Variants in SDK2 observed in about 807,000 individuals in gnomAD.
SDK2 encodes sidekick cell adhesion molecule 2, also known as protein sidekick-2.
A neutral mutation model predicts 253.9 loss-of-function variants in SDK2; 105 were observed. The ratio of observed to expected loss-of-function variants is 0.41; its 90% CI spans 0.35 to 0.49. SDK2 has a LOEUF of 0.49. SDK2 is among the 20% of genes least tolerant of loss of function. The pLI, the probability that SDK2 is intolerant of heterozygous loss-of-function variation, is 0.06. For synonymous variants in SDK2, 1,249 were observed against 1,234.9 expected (o/e 1.01, Z -0.24); for missense variants, 2,608 against 3,003.0 (o/e 0.87, Z 3.07).
rs572593328 is a variant in SDK2, at chr17:73,416,825, G to A, written c.2187-833C>T. ...AGGCTGGTCTCGAACTCCTGACCTC[G>A]TGATCCACCTGCCTCAGCCTCCCAA... On this transcript the variant is annotated intron_variant, in intron 16 of 44. Coordinates refer to ENST00000392650, the MANE Select transcript of SDK2 (RefSeq NM_001144952.2). Among the ~76,000 whole-genome samples, 6 of 150,626 alleles carry A rather than the reference G, an allele frequency of 4.0e-5. No homozygotes were observed. In the South Asian group the frequency reaches 1.3e-3, roughly 32 times the overall value.
chr17:73,610,017 C>T (rs2143117132), intron 1 of SDK2, among the ~76,000 whole-genome samples: 1 of 152,318 alleles, frequency 6.6e-6, no homozygotes. Flanking sequence ...CAGGGTCCCC[C>T]ACAAATGCTT....
At chr17:73,412,479 G>A (rs1463723935) in intron 18 of SDK2, among the ~76,000 whole-genome samples, 1 of 151,964 alleles carries the variant, frequency 6.6e-6, no homozygotes, top group Non-Finnish European at 1.5e-5. Flanking sequence ...GGGCTGAGTT[G>A]TGTCTGCAAA....
intron 3 of SDK2, among the ~76,000 whole-genome samples, chr17:73,461,973 C>T (rs1273147876): frequency 6.9e-6 from 1 of 145,730 alleles, no homozygotes; most frequent in Non-Finnish European, 1.5e-5. Flanking sequence ...GGGATGGTTA[C>T]ATATGCATGT....
chr17:73,390,376 T>G lies in SDK2; in HGVS notation c.4103A>C (p.Glu1368Ala). 6.2e-7 allele frequency: 1 copy of G among 1,612,746 alleles called. No individual in the cohort carries two copies. Among genetic ancestry groups the G allele is most frequent in the Non-Finnish European group, 8.5e-7 (1 of 1,179,728 alleles). ...RQYTATGLKP[E>A]SVYLFRITAQ... is the part of the protein sequence containing the mutation. ...CGTGATGCGGAACAGGTAGACAGAC[T>G]CTGGCTTGAGGCCCGTGGCTGTGTA... is the stretch of plus-strand genomic sequence containing the variant. Residue 1368 changes from glutamate to alanine, a missense_variant, in exon 29 of 45, where the codon GAG becomes GCG. Physicochemically the swap from Glu to Ala is moderately radical, Grantham distance 107. This residue lies in a region of SDK2 where 1,103 missense variants were observed against 1,143.9 expected (regional missense o/e 0.96). Coordinates refer to ENST00000392650, the MANE Select transcript of SDK2 (RefSeq NM_001144952.2).
At chr17:73,346,985 C>T (rs540296118) in intron 44 of SDK2, among the ~76,000 whole-genome samples, 5 of 152,302 alleles carry the variant, frequency 3.3e-5, no homozygotes, top group African/African-American at 7.2e-5. Flanking sequence ...GTGGGGGCTC[C>T]GCATTGCAGA....
chr17:73,536,783 G>C (rs1293289971), intron 1 of SDK2, among the ~76,000 whole-genome samples: 1 of 152,166 alleles, frequency 6.6e-6, no homozygotes, highest in Non-Finnish European at 1.5e-5. Context: ...CTCTGAAGTT[G>C]GGGGGCTATA....
At chr17:73,441,983 C>G (rs970988226) in intron 5 of SDK2, among the ~76,000 whole-genome samples, 6 of 152,220 alleles carry the variant, frequency 3.9e-5, no homozygotes, top group African/African-American at 1.4e-4. Flanking sequence ...AAAATGTTCT[C>G]TTAACATATT....
intron 4 of SDK2, among the ~76,000 whole-genome samples, chr17:73,451,782 T>C (rs998412214): frequency 1.3e-5 from 2 of 152,132 alleles, no homozygotes; most frequent in Non-Finnish European, 2.9e-5. Flanking sequence ...TGATAGACAT[T>C]CCTGGGATGA....
chr17:73,552,075 C>T (rs552911867), intron 1 of SDK2, among the ~76,000 whole-genome samples: 1 of 152,314 alleles, frequency 6.6e-6, no homozygotes, highest in African/African-American at 2.4e-5. Context: ...GCCTGCCCCC[C>T]ACCCCTCGGC....
chr17:73,601,538 G>C (rs1367785096), intron 1 of SDK2, among the ~76,000 whole-genome samples: 2 of 152,180 alleles, frequency 1.3e-5, no homozygotes, highest in Non-Finnish European at 2.9e-5. Context: ...GAAAAGACGG[G>C]ATGAAGCACA....
intron 24 of SDK2, among the ~76,000 whole-genome samples, chr17:73,396,200 C>T (rs1273875321): frequency 6.6e-6 from 1 of 152,186 alleles, no homozygotes; most frequent in African/African-American, 2.4e-5. Flanking sequence ...TTGAGTCTCA[C>T]AGAAAAGAAA....
chr17:73,548,171 C>T (rs186598868), intron 1 of SDK2, among the ~76,000 whole-genome samples: 4 of 152,316 alleles, frequency 2.6e-5, no homozygotes, highest in Admixed American at 2.6e-4. Flanking sequence ...GCCCAATTTA[C>T]AGATTGAGGA....
chr17:73,360,922 C>T (rs1286925233), intron 39 of SDK2, among the ~76,000 whole-genome samples: 19 of 144,946 alleles, frequency 1.3e-4, no homozygotes, highest in Admixed American at 1.1e-3. Context: ...GATGACAGAG[C>T]GAGACTCTGT....
intron 5 of SDK2, among the ~76,000 whole-genome samples, chr17:73,442,352 T>TC (rs2063422584): frequency 6.6e-6 from 1 of 151,670 alleles, no homozygotes; most frequent in South Asian, 2.1e-4. Context: ...TGCAGTCTTT[T>TC]TTTTTTTTGG....
At chr17:73,424,888 A>G (rs2063267068) in intron 12 of SDK2, among the ~76,000 whole-genome samples, 1 of 152,198 alleles carries the variant, frequency 6.6e-6, no homozygotes, top group Non-Finnish European at 1.5e-5. Flanking sequence ...TCAGATAACT[A>G]GGGAGAGTGA....
rs1220630352 is a variant in SDK2 at position 73,458,621 on chromosome 17, A to G, written c.332-2568T>C. On this transcript the variant is annotated intron_variant, in intron 3 of 44. Coordinates refer to ENST00000392650, the MANE Select transcript of SDK2 (RefSeq NM_001144952.2). ...CTCTGGCTCTGCCCTGAGCTCTGAG[A>G]TCCAATTTCCAACAGTCTGTTGGGC... 2.1e-4 allele frequency among the ~76,000 whole-genome samples: 32 copies of G among 152,166 alleles called. 1 individual carries two copies. Among genetic ancestry groups the G allele is most frequent in the Admixed American group, 2.1e-3 (32 of 15,286 alleles).
rs1234150882 is a variant in SDK2, at chr17:73,338,641, G to A, written c.6465C>T (p.Ser2155=). The change falls in exon 45 of 45, where the codon AGC becomes AGT. Residue 2155 remains serine, a synonymous_variant. Transcript: ENST00000392650. This position sits in a 1 kb window ranked among gnomAD's most constrained non-coding sequence, Gnocchi z 5.0. ...SQQSTLYRPP[S]SLAPGSRAPI... ...GAGCCCGGGAGCCTGGGGCCAGGCT[G>A]CTGGGGGGACGGTAGAGGGTGCTCT... The A allele has an allele frequency of 3.2e-6, 5 of 1,543,198 alleles. No individual in the cohort carries two copies. In the East Asian group the frequency reaches 1.1e-4, roughly 35 times the overall value.
rs148467938 is a variant in SDK2 at position 73,335,123 on chromosome 17, G to A, written c.*3464C>T. 371 of 152,796 alleles carry A rather than the reference G, an allele frequency of 2.4e-3. 1 individual carries two copies. The highest frequency in any genetic ancestry group is 4.4e-3 in the Admixed American group (67 of 15,308). 9.5% of individuals were successfully genotyped at this position (152,796 alleles called of 1,614,324 possible). A position where few individuals can be genotyped will look rare whatever the true frequency, so the allele number is the denominator to read the frequency against. ...GGGGGGTGAGGGATGGACAGAAGGG[G>A]AGGCAGCCTGGGTTTGCAAACTCTC... On this transcript the variant is annotated 3_prime_UTR_variant, in exon 45 of 45. Coordinates refer to ENST00000392650, the MANE Select transcript of SDK2 (RefSeq NM_001144952.2).
intron 18 of SDK2, among the ~76,000 whole-genome samples, chr17:73,409,889 C>G (rs1005671663): frequency 5.9e-5 from 9 of 152,288 alleles, no homozygotes; most frequent in African/African-American, 2.2e-4. Flanking sequence ...GGGTCTCACT[C>G]TGTCACTCGG....
Sources: allele counts gnomAD v4.1 joint callset (sites outside exome capture counted in the v4.1 genomes callset), GRCh38; gene constraint gnomAD v4.1.1; regional missense constraint gnomAD v4.1.1; non-coding constraint Gnocchi (gnomAD v3.1); transcripts MANE v1.5; gene names NCBI Gene and HGNC (gene_info 2026-07-23, HGNC 2026-07-21).